The following ZNF532 variants were observed in gnomAD, a reference collection of about 807,000 sequenced individuals.
ZNF532 encodes zinc finger protein 532.
Under a neutral mutation model 89.3 loss-of-function variants are expected in ZNF532, and 22 were observed. The ratio of observed to expected loss-of-function variants is 0.25; its 90% CI spans 0.18 to 0.35. The LOEUF is 0.35. Ranked by LOEUF, ZNF532 falls within the 10% of genes least tolerant of loss-of-function variation. The pLI, the probability that ZNF532 is intolerant of heterozygous loss-of-function variation, is 1.00. For synonymous variants in ZNF532, 606 were observed against 649.6 expected (o/e 0.93, Z 1.02); for missense variants, 1,132 against 1,643.4 (o/e 0.69, Z 5.38).
At chr18:58,930,353 G>A (rs770268080) in intron 3 of ZNF532, among the ~76,000 whole-genome samples, 10 of 152,198 alleles carry the variant, frequency 6.6e-5, no homozygotes, top group South Asian at 2.1e-4. Flanking sequence ...AGTACCGGGC[G>A]CAGTGGCTCA....
intron 4 of ZNF532, among the ~76,000 whole-genome samples, 199 bp from the exon 5 acceptor site, chr18:58,939,246 C>CAAAAAAAAAAAAAAAAAA (rs71336307): frequency 4.9e-4 from 17 of 34,508 alleles, no homozygotes; most frequent in Non-Finnish European, 6.3e-4. Context: ...GACGTTGTCT[C>CAAAAAAAAAAAAAAAAAA]AAAAAAAAAA....
chr18:58,974,652 G>GAAAACAC (rs1244085966), intron 7 of ZNF532, among the ~76,000 whole-genome samples: 1 of 152,144 alleles, frequency 6.6e-6, no homozygotes, highest in Non-Finnish European at 1.5e-5. Context: ...AGTTGTGTAG[G>GAAAACAC]AAAACACAAA....
At chr18:58,982,609 G>A (rs973586150) in intron 9 of ZNF532, among the ~76,000 whole-genome samples, 3 of 152,056 alleles carry the variant, frequency 2.0e-5, no homozygotes, top group Non-Finnish European at 2.9e-5. Context: ...GCAATAGAAC[G>A]AGACTCTGTC....
At chr18:58,977,077 C>T (rs1008708560) in intron 7 of ZNF532, among the ~76,000 whole-genome samples, 3 of 152,044 alleles carry the variant, frequency 2.0e-5, no homozygotes, top group African/African-American at 4.8e-5. Context: ...TTCTCTCTTT[C>T]GTTGTTTCCC....
chr18:58,897,332 C>G (rs1213921607), intron 2 of ZNF532, among the ~76,000 whole-genome samples: 1 of 152,006 alleles, frequency 6.6e-6, no homozygotes, highest in Non-Finnish European at 1.5e-5. Context: ...CAAGGTTCTT[C>G]TAAATGCATT....
At chr18:58,914,482 C>T (rs988483902) in intron 2 of ZNF532, among the ~76,000 whole-genome samples, 6 of 152,240 alleles carry the variant, frequency 3.9e-5, no homozygotes, top group Non-Finnish European at 5.9e-5. Flanking sequence ...GAGCTTGAGA[C>T]CAGCCTGGCC....
intron 5 of ZNF532, among the ~76,000 whole-genome samples, chr18:58,942,053 C>G (rs570430337): frequency 1.1e-3 from 157 of 142,466 alleles, no homozygotes; most frequent in Non-Finnish European, 1.8e-3. Context: ...CCCTCAGTCT[C>G]GCTGTGTCGC....
intron 8 of ZNF532, 130 bp downstream of exon 8, chr18:58,979,297 GT>G: frequency 3.5e-6 from 2 of 566,672 alleles, no homozygotes; most frequent in Admixed American, 6.6e-5. Flanking sequence ...TTGTATTATT[GT>G]TTTGGCATAG....
chr18:58,872,586 G>T (rs2057077944), intron 2 of ZNF532, among the ~76,000 whole-genome samples: 1 of 152,178 alleles, frequency 6.6e-6, no homozygotes. Flanking sequence ...GCCCACATTG[G>T]AGGGTGGGGC....
At chr18:58,923,797 C>T (rs1474304510) in intron 3 of ZNF532, among the ~76,000 whole-genome samples, 2 of 152,100 alleles carry the variant, frequency 1.3e-5, no homozygotes, top group Non-Finnish European at 2.9e-5. Context: ...GAAATGGACA[C>T]GGGAGCCTGA....
At chr18:58,877,007 C>T (rs2057481885) in intron 2 of ZNF532, among the ~76,000 whole-genome samples, 1 of 151,928 alleles carries the variant, frequency 6.6e-6, no homozygotes, top group Non-Finnish European at 1.5e-5. Flanking sequence ...CTGCAGTGAG[C>T]TAGGATCACA....
chr18:58,942,075 T>A (rs184563095), intron 5 of ZNF532, among the ~76,000 whole-genome samples: 2 of 144,712 alleles, frequency 1.4e-5, no homozygotes, highest in African/African-American at 2.6e-5. Flanking sequence ...CAGGCTGGAG[T>A]GCAGTGGCAC....
chr18:58,942,011 CT>C (rs2063127622), intron 5 of ZNF532, among the ~76,000 whole-genome samples: 4 of 128,708 alleles, frequency 3.1e-5, no homozygotes, highest in South Asian at 3.0e-4. Flanking sequence ...TTCCTTCTTT[CT>C]TTTCTTTTCT....
chr18:58,868,269 C>T (rs150245857), intron 2 of ZNF532, among the ~76,000 whole-genome samples: 361 of 152,284 alleles, frequency 2.4e-3, no homozygotes, highest in Middle Eastern at 6.8e-3. Flanking sequence ...CACACACCTT[C>T]GTGTTCATTT....
At chr18:58,911,964 A>AG (rs1168355822) in intron 2 of ZNF532, among the ~76,000 whole-genome samples, 2 of 152,234 alleles carry the variant, frequency 1.3e-5, no homozygotes, top group African/African-American at 4.8e-5. Flanking sequence ...CTTTCAGAGA[A>AG]GGCTGAGGTT....
intron 2 of ZNF532, among the ~76,000 whole-genome samples, chr18:58,888,868 A>ATATT (rs1301154103): frequency 7.1e-5 from 3 of 42,234 alleles, no homozygotes; most frequent in Non-Finnish European, 1.1e-4. Flanking sequence ...ATATATATAT[A>ATATT]ATATATATTA....
rs527452928 is a variant in ZNF532, at chr18:58,940,749, C to T, written c.2705+1128C>T. 8.5e-5 allele frequency among the ~76,000 whole-genome samples: 13 copies of T among 152,276 alleles called. 1 individual carries two copies. In the South Asian group the frequency reaches 2.7e-3, roughly 32 times the overall value. On this transcript the variant is annotated intron_variant, in intron 5 of 9. Coordinates refer to ENST00000591808, the MANE Select transcript of ZNF532 (RefSeq NM_001375912.1). ...CTTCGCTCCCTCCTTGTGCACACAG[C>T]ACTGGATTAATGCTCCTGGTTGTGC...
At chr18:58,983,210 AGGAGGGGCACGTTGGCTTGG>A (rs1268470453) in intron 9 of ZNF532, among the ~76,000 whole-genome samples, 1 of 152,096 alleles carries the variant, frequency 6.6e-6, no homozygotes, top group African/African-American at 2.4e-5. Context: ...GAGTGCGGAG[AGGAGGGGCACGTTGGCTTGG>A]GGAGGGGATT....
chr18:58,901,504 T>C (rs1260514779), intron 2 of ZNF532, among the ~76,000 whole-genome samples: 3 of 152,160 alleles, frequency 2.0e-5, no homozygotes, highest in African/African-American at 7.2e-5. Context: ...TGTGTGAAAA[T>C]ACATAGGACT....
Sources: allele counts gnomAD v4.1 joint callset (sites outside exome capture counted in the v4.1 genomes callset), GRCh38; gene constraint gnomAD v4.1.1; transcripts MANE v1.5; gene names NCBI Gene and HGNC (gene_info 2026-07-23, HGNC 2026-07-21).